Variants in TCERG1L observed in about 807,000 individuals in gnomAD.
TCERG1L encodes the protein transcription elongation regulator 1 like, also known as transcription elongation regulator 1-like protein.
Under a neutral mutation model 56.3 loss-of-function variants are expected in TCERG1L, and 37 were observed. That is an observed-to-expected ratio of 0.66 (90% CI 0.51 to 0.87). The LOEUF (loss-of-function observed/expected upper bound fraction) is 0.87. Ranked by LOEUF, TCERG1L falls within the 40% of genes least tolerant of loss-of-function variation. TCERG1L has a pLI of 0.00. For synonymous variants in TCERG1L, 324 were observed against 326.3 expected (o/e 0.99, Z 0.08); for missense variants, 799 against 774.2 (o/e 1.03, Z -0.38).
chr10:131,101,995 C>T (rs1213515490), intron 10 of TCERG1L, among the ~76,000 whole-genome samples: 1 of 152,190 alleles, frequency 6.6e-6, no homozygotes, highest in African/African-American at 2.4e-5. Flanking sequence ...AGCCATCATG[C>T]CCAGCCCATA....
intron 4 of TCERG1L, among the ~76,000 whole-genome samples, chr10:131,173,643 G>C (rs1456511280): frequency 1.3e-5 from 2 of 152,240 alleles, no homozygotes; most frequent in African/African-American, 4.8e-5. Context: ...GGAAGCAGGA[G>C]AGACATAGAT....
intron 3 of TCERG1L, among the ~76,000 whole-genome samples, chr10:131,282,137 G>GAAAAAAAAAAAA (rs543405432): frequency 1.1e-5 from 1 of 92,544 alleles, no homozygotes; most frequent in Non-Finnish European, 2.1e-5. Flanking sequence ...CTCCATCTCA[G>GAAAAAAAAAAAA]AAAAAAAAAA....
intron 4 of TCERG1L, among the ~76,000 whole-genome samples, chr10:131,215,597 T>A (rs1845662349): frequency 6.6e-6 from 1 of 152,032 alleles, no homozygotes; most frequent in Non-Finnish European, 1.5e-5. Context: ...GACAAAGGGA[T>A]TTCGGGAGAG....
chr10:131,161,699 C>A (rs956239777), intron 6 of TCERG1L: 3 of 152,198 alleles, frequency 2.0e-5, no homozygotes, highest in African/African-American at 7.2e-5. Context: ...GACTGGAGGG[C>A]CGTCACTTTC....
chr10:131,310,955 C>A (rs975510934), intron 1 of TCERG1L, among the ~76,000 whole-genome samples: 1 of 152,382 alleles, frequency 6.6e-6, no homozygotes, highest in Admixed American at 6.5e-5. Context: ...CGGCCCGCGG[C>A]GGTCACGGAG....
chr10:131,128,828 G>A (rs964398874), intron 8 of TCERG1L, among the ~76,000 whole-genome samples: 3 of 152,104 alleles, frequency 2.0e-5, no homozygotes, highest in African/African-American at 7.2e-5. Flanking sequence ...CAGACGAGCC[G>A]ACATCACCTG....
At chr10:131,111,682 G>T (rs865812952) in intron 9 of TCERG1L, among the ~76,000 whole-genome samples, 2 of 142,758 alleles carry the variant, frequency 1.4e-5, no homozygotes, top group African/African-American at 4.9e-5. Context: ...CCTTCCCCTC[G>T]TCCACGCCCC....
chr10:131,261,023 C>G (rs896520397), intron 3 of TCERG1L, among the ~76,000 whole-genome samples: 7 of 152,050 alleles, frequency 4.6e-5, no homozygotes, highest in Admixed American at 2.0e-4. Context: ...CAGAGGGCAC[C>G]AGGCTCAGCT....
chr10:131,201,217 C>G (rs918484316), intron 4 of TCERG1L, among the ~76,000 whole-genome samples: 5 of 152,126 alleles, frequency 3.3e-5, no homozygotes, highest in African/African-American at 1.2e-4. Context: ...GGAAAGTGAG[C>G]CCCCAAAACA....
At chr10:131,184,880 A>G (rs984705886) in intron 4 of TCERG1L, among the ~76,000 whole-genome samples, 2 of 152,358 alleles carry the variant, frequency 1.3e-5, no homozygotes, top group African/African-American at 4.8e-5. Context: ...AAATGGCACC[A>G]AAGTCACTAT....
intron 4 of TCERG1L, among the ~76,000 whole-genome samples, chr10:131,233,177 C>T (rs768064114): frequency 5.9e-5 from 9 of 152,130 alleles, no homozygotes; most frequent in Non-Finnish European, 1.2e-4. Context: ...CTTACCACAC[C>T]TGTTTTAGTA....
intron 4 of TCERG1L, among the ~76,000 whole-genome samples, chr10:131,197,215 T>C (rs1845375718): frequency 6.6e-6 from 1 of 151,444 alleles, no homozygotes; most frequent in South Asian, 2.1e-4. Context: ...TCTCACTCTG[T>C]TGCACTGCCA....
In TCERG1L at chr10:131,103,705, A is replaced by G. The variant is rs533865209; in HGVS notation, c.1485+560T>C. Among the ~76,000 whole-genome samples the G allele has an allele frequency of 1.3e-5, 2 of 152,176 alleles. No individual in the cohort carries two copies. Among genetic ancestry groups the G allele is most frequent in the Non-Finnish European group, 2.9e-5 (2 of 68,044 alleles). On this transcript the variant is annotated intron_variant, in intron 10 of 11. Transcript: ENST00000368642. This position sits in a 1 kb window ranked among gnomAD's most constrained non-coding sequence, Gnocchi z 4.3. ...GATCCTGTCTAAAATAAAATGAAATAAAATAAAATAAAAGGTTTTGACGGC... is the reference window on the plus strand; with the variant it reads ...GATCCTGTCTAAAATAAAATGAAATGAAATAAAATAAAAGGTTTTGACGGC...
chr10:131,098,567 A>G, intron 10 of TCERG1L, 143 bp from the exon 11 acceptor site: 1 of 1,074,120 alleles, frequency 9.3e-7, no homozygotes, highest in Non-Finnish European at 1.3e-6. Flanking sequence ...TATGAGCAAC[A>G]GCCTTTCAGC....
At chr10:131,230,852 C>A (rs1845842393) in intron 4 of TCERG1L, among the ~76,000 whole-genome samples, 1 of 152,228 alleles carries the variant, frequency 6.6e-6, no homozygotes, top group Admixed American at 6.5e-5. Flanking sequence ...GACAGATGTG[C>A]AGTAGTCAGT....
intron 4 of TCERG1L, among the ~76,000 whole-genome samples, chr10:131,186,069 C>T (rs887759212): frequency 1.2e-4 from 18 of 152,142 alleles, no homozygotes; most frequent in African/African-American, 3.9e-4. Flanking sequence ...TGCAGATGAA[C>T]CCCGAAGACA....
chr10:131,229,928 A>C (rs913240002), intron 4 of TCERG1L, among the ~76,000 whole-genome samples: 2 of 152,192 alleles, frequency 1.3e-5, no homozygotes, highest in Admixed American at 6.5e-5. Context: ...GTTTCACTGC[A>C]CTTCTCCCTT....
intron 7 of TCERG1L, among the ~76,000 whole-genome samples, chr10:131,142,644 C>A (rs1398708005): frequency 6.6e-6 from 1 of 152,200 alleles, no homozygotes; most frequent in Non-Finnish European, 1.5e-5. Context: ...CACCTGTGTC[C>A]ATCACAGGCT....
intron 5 of TCERG1L, among the ~76,000 whole-genome samples, chr10:131,163,430 C>T (rs1564805196): frequency 6.6e-6 from 1 of 152,150 alleles, no homozygotes; most frequent in Non-Finnish European, 1.5e-5. Flanking sequence ...CAAAGGCACC[C>T]CTCATTGTCC....
Sources: gnomAD v4.1 joint callset for allele counts (sites outside exome capture counted in the v4.1 genomes callset) on GRCh38, gnomAD v4.1.1 for gene constraint, Gnocchi (gnomAD v3.1) non-coding constraint, MANE v1.5 for transcripts, NCBI Gene and HGNC (gene_info 2026-07-23, HGNC 2026-07-21) for gene names.